Variants in GHR observed in about 807,000 individuals in gnomAD.
The protein encoded by GHR is growth hormone receptor.
Under a neutral mutation model 67.1 loss-of-function variants are expected in GHR, and 35 were observed. That is an observed-to-expected ratio of 0.52 (90% confidence interval 0.40 to 0.69). The LOEUF (loss-of-function observed/expected upper bound fraction) is 0.69, where lower values mean the gene tolerates loss of function less well. Among genes scored for constraint, GHR ranks in the 30% least tolerant of loss-of-function variants. The pLI is 0.00. For missense variants in GHR, 792 were observed against 764.6 expected (o/e 1.04, Z -0.42); for synonymous variants, 272 against 269.1 (o/e 1.01, Z -0.10).
intron 3 of GHR, among the ~76,000 whole-genome samples, chr5:42,685,907 T>G (rs879476755): frequency 6.6e-5 from 10 of 152,198 alleles, no homozygotes; most frequent in Non-Finnish European, 1.0e-4. Context: ...TTCACTCTGC[T>G]GGTAGTTTCT....
chr5:42,524,443 A>G (rs1318267186), intron 1 of GHR, among the ~76,000 whole-genome samples: 2 of 152,246 alleles, frequency 1.3e-5, no homozygotes, highest in African/African-American at 4.8e-5. Flanking sequence ...TTTCTAAACA[A>G]CAAAGCATTC....
intron 3 of GHR, among the ~76,000 whole-genome samples, chr5:42,653,469 A>G (rs1755105168): frequency 6.6e-6 from 1 of 152,108 alleles, no homozygotes; most frequent in African/African-American, 2.4e-5. Context: ...AAGCACCAAT[A>G]CAAATCAGAG....
chr5:42,479,531 C>G (rs571687369), intron 1 of GHR, among the ~76,000 whole-genome samples: 2 of 151,974 alleles, frequency 1.3e-5, no homozygotes, highest in Admixed American at 6.6e-5. Context: ...TTTTTTGGTT[C>G]GTAAGCTATT....
intron 1 of GHR, chr5:42,549,964 A>C (rs1233376256): frequency 5.1e-6 from 1 of 197,380 alleles, no homozygotes; most frequent in Admixed American, 6.5e-5. Flanking sequence ...AGAAAGTGGA[A>C]CTCACCCTCA....
chr5:42,718,649 A>T lies in GHR; in HGVS notation c.1142A>T (p.Asp381Val). ...TCACATAGTAACCTAGGGGTGAAGGATGGCGACTCTGGACGTACCAGCTGT... is the reference window on the plus strand; with the variant it reads ...TCACATAGTAACCTAGGGGTGAAGGTTGGCGACTCTGGACGTACCAGCTGT... Reference protein sequence around the residue: ...EKSHSNLGVKDGDSGRTSCCE... With the variant: ...EKSHSNLGVKVGDSGRTSCCE... The change falls in exon 10 of 10, where the codon GAT (aspartate) becomes GTT (valine). Residue 381 changes from aspartate to valine, a missense_variant. Transcript: ENST00000230882. The T allele has an allele frequency of 6.2e-7, 1 of 1,614,194 alleles. No homozygotes were observed.
At chr5:42,438,148 A>C (rs1344565126) in intron 1 of GHR, among the ~76,000 whole-genome samples, 1 of 152,242 alleles carries the variant, frequency 6.6e-6, no homozygotes, top group Non-Finnish European at 1.5e-5. Context: ...AGTGCTTACT[A>C]TGATCAAGGG....
intron 2 of GHR, among the ~76,000 whole-genome samples, chr5:42,586,702 C>CT (rs1751494356): frequency 6.6e-6 from 1 of 152,170 alleles, no homozygotes. Flanking sequence ...TTTTGGGTGT[C>CT]TTTCCAGACC....
chr5:42,491,648 AG>A (rs903304184), intron 1 of GHR, among the ~76,000 whole-genome samples: 28 of 152,342 alleles, frequency 1.8e-4, no homozygotes, highest in African/African-American at 4.8e-4. Context: ...TTTCTAGAAC[AG>A]GCATACCTTA....
intron 1 of GHR, among the ~76,000 whole-genome samples, chr5:42,449,842 A>T (rs139770791): frequency 6.6e-6 from 1 of 152,188 alleles, no homozygotes; most frequent in Non-Finnish European, 1.5e-5. Context: ...TCATAAAAGT[A>T]TGCTGGATTT....
In GHR at chr5:42,622,642, G is replaced by A. The variant is rs550576038; in HGVS notation, c.71-6396G>A. ...ATGCATGACCTCCTGTAATTGTATA[G>A]CTTGGTTGCTGTATATGGTACTATG... On this transcript the variant is annotated intron_variant, in intron 2 of 9. Transcript: ENST00000230882. Among the ~76,000 whole-genome samples the A allele has an allele frequency of 9.2e-5, 14 of 152,278 alleles. No homozygotes were observed. In the South Asian group the frequency reaches 1.5e-3, roughly 16 times the overall value.
chr5:42,552,896 G>A (rs1749110829), intron 1 of GHR, among the ~76,000 whole-genome samples: 1 of 152,160 alleles, frequency 6.6e-6, no homozygotes, highest in South Asian at 2.1e-4. Context: ...AGACAAAGCT[G>A]TAAATTATTT....
At chr5:42,455,226 A>G (rs932002387) in intron 1 of GHR, among the ~76,000 whole-genome samples, 2 of 152,124 alleles carry the variant, frequency 1.3e-5, no homozygotes, top group African/African-American at 4.8e-5. Context: ...TTGGGAACTC[A>G]TTGCTTTTTG....
rs190821349 is a variant in GHR at position 42,626,467 on chromosome 5, C to G, written c.71-2571C>G. Among the ~76,000 whole-genome samples the G allele has an allele frequency of 1.8e-3, 268 of 152,284 alleles. 1 individual carries two copies. The highest frequency in any genetic ancestry group is 6.0e-3 in the Admixed American group (92 of 15,300). ...TATGTGGGTTGGAGTTGCAGAGTTT[C>G]CATGACCTCTCTGAGTGCAGCATCT... On this transcript the variant is annotated intron_variant, in intron 2 of 9. Transcript: ENST00000230882.
intron 1 of GHR, among the ~76,000 whole-genome samples, chr5:42,507,923 G>A (rs1036496991): frequency 4.6e-5 from 7 of 152,184 alleles, no homozygotes; most frequent in East Asian, 1.9e-4. Flanking sequence ...GAGTCAGCCC[G>A]CAGCAGTCAG....
At chr5:42,704,227 T>A (rs1443939617) in intron 6 of GHR, among the ~76,000 whole-genome samples, 1 of 152,046 alleles carries the variant, frequency 6.6e-6, no homozygotes, top group Non-Finnish European at 1.5e-5. Context: ...TGAAATACAT[T>A]CCTTCTATAT....
chr5:42,547,625 T>C (rs550509618), intron 1 of GHR, among the ~76,000 whole-genome samples: 1 of 152,326 alleles, frequency 6.6e-6, no homozygotes, highest in East Asian at 1.9e-4. Flanking sequence ...TTCTAAATGC[T>C]GTGTTCTTCT....
Position 42,423,708 on chromosome 5 carries a change from C to G in GHR, c.-259C>G, listed in dbSNP as rs1378448076. 6.5e-6 allele frequency: 1 copy of G among 153,752 alleles called. No individual in the cohort carries two copies. Among genetic ancestry groups the G allele is most frequent in the Non-Finnish European group, 1.5e-5 (1 of 68,604 alleles). The allele number at this position is 153,752 out of a possible 1,614,324, so 9.5% of individuals were successfully genotyped here. ...TTTCACCCCGCCCCCTCTCTCCTCC[C>G]CAAGCCTGACAGCCCGCGAGCTGCC... is the stretch of plus-strand genomic sequence containing the variant. On this transcript the variant is annotated 5_prime_UTR_variant, in exon 1 of 10. Coordinates refer to ENST00000230882, the MANE Select transcript of GHR (RefSeq NM_000163.5).
At chr5:42,429,427 A>G (rs777112243) in intron 1 of GHR, among the ~76,000 whole-genome samples, 29 of 152,194 alleles carry the variant, frequency 1.9e-4, no homozygotes, top group Non-Finnish European at 3.5e-4. Flanking sequence ...TGTCCCTCCT[A>G]ATGTGTGTTT....
At chr5:42,484,701 T>C (rs973598855) in intron 1 of GHR, among the ~76,000 whole-genome samples, 25 of 152,216 alleles carry the variant, frequency 1.6e-4, no homozygotes, top group African/African-American at 6.0e-4. Flanking sequence ...GGCTCTTTGA[T>C]AGAGATTCAA....
Sources: gnomAD v4.1 joint callset for allele counts (sites outside exome capture counted in the v4.1 genomes callset) on GRCh38, gnomAD v4.1.1 for gene constraint, MANE v1.5 for transcripts, NCBI Gene and HGNC (gene_info 2026-07-23, HGNC 2026-07-21) for gene names.